The following SENP6 variants were observed in gnomAD, a reference collection of about 807,000 sequenced individuals.
SENP6 encodes the protein SUMO specific peptidase 6, also known as sentrin-specific protease 6.
SENP6 carries 41 observed loss-of-function variants against 134.5 expected under a neutral mutation model. That is an observed-to-expected ratio of 0.30 (90% confidence interval 0.24 to 0.40). SENP6 has a LOEUF of 0.40. Among genes scored for constraint, SENP6 ranks in the 10% least tolerant of loss-of-function variants. The pLI is 1.00. For synonymous variants in SENP6, 395 were observed against 429.8 expected (o/e 0.92, Z 1.00); for missense variants, 1,248 against 1,312.5 (o/e 0.95, Z 0.76).
chr6:75,608,922 A>G (rs1310012008), intron 1 of SENP6, among the ~76,000 whole-genome samples: 1 of 152,162 alleles, frequency 6.6e-6, no homozygotes, highest in Non-Finnish European at 1.5e-5. Flanking sequence ...TTTAGTTTGC[A>G]TTGTTTTTCT....
At chr6:75,694,216 A>G (rs553888130) in intron 16 of SENP6, among the ~76,000 whole-genome samples, 169 of 152,336 alleles carry the variant, frequency 1.1e-3, no homozygotes, top group African/African-American at 3.8e-3. Flanking sequence ...AGATCATGCC[A>G]TTGCACTCCA....
At chr6:75,603,856 G>C (rs1366072286) in intron 1 of SENP6, among the ~76,000 whole-genome samples, 1 of 152,162 alleles carries the variant, frequency 6.6e-6, no homozygotes, top group Non-Finnish European at 1.5e-5. Context: ...TTATCTAAAA[G>C]TGATGAGAAC....
chr6:75,679,112 A>C (rs1380596991), intron 16 of SENP6, 185 bp downstream of exon 16: 1 of 465,190 alleles, frequency 2.1e-6, no homozygotes, highest in Non-Finnish European at 3.8e-6. Flanking sequence ...ATTCTATCTA[A>C]AAAGTTGTGA....
chr6:75,634,140 T>C (rs915468168), intron 4 of SENP6, among the ~76,000 whole-genome samples: 1 of 152,114 alleles, frequency 6.6e-6, no homozygotes, highest in African/African-American at 2.4e-5. Flanking sequence ...ATTGGTAGGA[T>C]TGGGTATCAG....
rs568836470 is a variant in SENP6, at chr6:75,660,193, G to C, written c.696+786G>C. On this transcript the variant is annotated intron_variant, in intron 8 of 23. Transcript: ENST00000447266. ...CTGATGTTTGTAAATGATGTGTGTA[G>C]TTTTCAAGAATGCTTCAGAAATGAT... Among the ~76,000 whole-genome samples, 4 of 152,274 alleles carry C rather than the reference G, an allele frequency of 2.6e-5. No homozygotes were observed. In the South Asian group the frequency reaches 8.3e-4, roughly 32 times the overall value.
At chr6:75,696,397 G>A (rs1774667054) in intron 17 of SENP6, among the ~76,000 whole-genome samples, 1 of 152,128 alleles carries the variant, frequency 6.6e-6, no homozygotes, top group African/African-American at 2.4e-5. Context: ...AAAGGAACCT[G>A]TGAATCTATA....
chr6:75,610,191 T>G (rs1230561193), intron 1 of SENP6, among the ~76,000 whole-genome samples: 1 of 152,224 alleles, frequency 6.6e-6, no homozygotes, highest in Non-Finnish European at 1.5e-5. Context: ...TTTTCCTTCC[T>G]TTTGTTTTTT....
At chr6:75,605,904 C>T (rs1055306170) in intron 1 of SENP6, among the ~76,000 whole-genome samples, 3 of 152,074 alleles carry the variant, frequency 2.0e-5, no homozygotes, top group Non-Finnish European at 2.9e-5. Context: ...GTCGGGGCTT[C>T]AATTAGCATG....
chr6:75,644,475 C>CTTTTTTTTTTTTTTTTT (rs71002753), intron 6 of SENP6, among the ~76,000 whole-genome samples: 2 of 143,476 alleles, frequency 1.4e-5, no homozygotes, highest in Admixed American at 6.9e-5. Flanking sequence ...TTCTTTCTTT[C>CTTTTTTTTTTTTTTTTT]TTTTTTTTTT....
At chr6:75,698,822 C>A (rs546740137) in intron 18 of SENP6, among the ~76,000 whole-genome samples, 1 of 151,856 alleles carries the variant, frequency 6.6e-6, no homozygotes, top group Non-Finnish European at 1.5e-5. Context: ...ACCAACCTGG[C>A]GAACATGGCG....
In SENP6 at chr6:75,715,580, A is replaced by T; in HGVS notation, c.3325A>T (p.Ser1109Cys). Residue 1109 changes from serine (S) to cysteine (C), a missense_variant, in exon 24 of 24, where the codon AGT becomes TGT. Physicochemically the swap from Ser to Cys is moderately radical, Grantham distance 112. Coordinates refer to ENST00000447266, the MANE Select transcript of SENP6 (RefSeq NM_015571.4). ...LGEGTEQYVN[S>C]ISD is the part of the protein sequence containing the mutation. ...CGAAGGAACAGAACAATATGTCAAT[A>T]GTATCTCAGATTGACCATTTCTGTT... 6.2e-7 allele frequency: 1 copy of T among 1,607,380 alleles called. No homozygotes were observed. The highest frequency in any genetic ancestry group is 8.5e-7 in the Non-Finnish European group (1 of 1,175,540).
At chr6:75,675,405 A>G (rs750235076) in intron 11 of SENP6, 30 bp from the exon 12 acceptor site, 3 of 1,265,160 alleles carry the variant, frequency 2.4e-6, no homozygotes, top group South Asian at 2.6e-5. Context: ...TTGTAAGTCT[A>G]GAGCAATACT....
chr6:75,630,888 C>CA (rs1769061747), intron 3 of SENP6, among the ~76,000 whole-genome samples: 2 of 150,850 alleles, frequency 1.3e-5, no homozygotes, highest in Non-Finnish European at 3.0e-5. Context: ...TGTTTAAAAG[C>CA]AAAAAAGGAA....
intron 7 of SENP6, among the ~76,000 whole-genome samples, chr6:75,656,603 T>C (rs1027739729): frequency 1.3e-5 from 2 of 152,338 alleles, no homozygotes; most frequent in Middle Eastern, 3.4e-3. Context: ...TTTCTCTTCT[T>C]TCCCTAGAAA....
intron 7 of SENP6, among the ~76,000 whole-genome samples, chr6:75,651,628 A>G (rs1238834572): frequency 6.6e-6 from 1 of 152,140 alleles, no homozygotes; most frequent in Non-Finnish European, 1.5e-5. Context: ...CTGGGATTAC[A>G]GGTTTGGGCC....
At chr6:75,657,472 T>C (rs1365491745) in intron 7 of SENP6, among the ~76,000 whole-genome samples, 1 of 152,232 alleles carries the variant, frequency 6.6e-6, no homozygotes, top group Non-Finnish European at 1.5e-5. Context: ...TCTATATCTG[T>C]GTATGAATCA....
chr6:75,603,907 A>C (rs1349779484), intron 1 of SENP6, among the ~76,000 whole-genome samples: 1 of 152,128 alleles, frequency 6.6e-6, no homozygotes, highest in Non-Finnish European at 1.5e-5. Context: ...AAAGCTTCTG[A>C]GTTTTTCTGG....
In SENP6 at chr6:75,663,488, A is replaced by G. The variant is rs1771935238; in HGVS notation, c.964A>G (p.Lys322Glu). The G allele has an allele frequency of 1.2e-6, 2 of 1,611,736 alleles. No homozygotes were observed. Among genetic ancestry groups the G allele is most frequent in the South Asian group, 2.2e-5 (2 of 90,884 alleles). The stretch of plus-strand genomic sequence containing the variant: ...CAAAATCACAAACTTGAAAGAAAGG[A>G]AAACAAGTTTGTCAGACCTAAATGA... ...IPKITNLKER[K>E]TSLSDLNDPI... The change falls in exon 9 of 24, where the codon AAA becomes GAA. Residue 322 changes from lysine (K) to glutamate (E), a missense_variant. Lys to Glu is a moderately conservative substitution (Grantham distance 56). This residue lies in a region of SENP6 where 733 missense variants were observed against 725.4 expected (regional missense o/e 1.01). Coordinates refer to ENST00000447266, the MANE Select transcript of SENP6 (RefSeq NM_015571.4).
intron 16 of SENP6, among the ~76,000 whole-genome samples, chr6:75,691,204 G>A (rs1041809410): frequency 1.7e-4 from 25 of 150,570 alleles, no homozygotes; most frequent in Non-Finnish European, 3.4e-4. Flanking sequence ...GAGCAGTGAC[G>A]CAATCACGAC....
Sources: allele counts gnomAD v4.1 joint callset (sites outside exome capture counted in the v4.1 genomes callset), GRCh38; gene constraint gnomAD v4.1.1; regional missense constraint gnomAD v4.1.1; transcripts MANE v1.5; gene names NCBI Gene and HGNC (gene_info 2026-07-23, HGNC 2026-07-21).